The following CSMD3 variants were observed in gnomAD, a reference collection of about 807,000 sequenced individuals.
The protein encoded by CSMD3 is CUB and Sushi multiple domains 3.
In CSMD3, 177 loss-of-function variants were observed where a neutral mutation model predicts 435.2. The observed-to-expected ratio is 0.41, with a 90% CI of 0.36 to 0.46. The LOEUF (loss-of-function observed/expected upper bound fraction) is 0.46, where lower values mean the gene tolerates loss of function less well. Among genes scored for constraint, CSMD3 ranks in the 20% least tolerant of loss-of-function variants. CSMD3 has a pLI of 0.34. For missense variants in CSMD3, 4,265 were observed against 4,504.6 expected (o/e 0.95, Z 1.52); for synonymous variants, 1,656 against 1,520.5 (o/e 1.09, Z -2.07).
intron 32 of CSMD3, among the ~76,000 whole-genome samples, chr8:112,457,103 G>A (rs1408579691): frequency 2.0e-5 from 3 of 151,878 alleles, no homozygotes; most frequent in Non-Finnish European, 2.9e-5. Context: ...ATCCTTCTTC[G>A]GATAGGATTC....
chr8:113,371,987 G>T (rs1244324561), intron 1 of CSMD3, among the ~76,000 whole-genome samples: 1 of 152,054 alleles, frequency 6.6e-6, no homozygotes, highest in Admixed American at 6.6e-5. Context: ...ACTTACATGA[G>T]TATTAGGAAA....
intron 13 of CSMD3, among the ~76,000 whole-genome samples, chr8:112,787,318 A>G (rs1193814848): frequency 6.6e-6 from 1 of 152,164 alleles, no homozygotes; most frequent in Admixed American, 6.6e-5. Context: ...AAAACAGGCA[A>G]TAGTGAATGG....
At chr8:112,597,153 A>T (rs953485631) in intron 22 of CSMD3, among the ~76,000 whole-genome samples, 10 of 151,212 alleles carry the variant, frequency 6.6e-5, no homozygotes, top group Non-Finnish European at 1.3e-4. Context: ...GAGAAGAGTC[A>T]AATAGACACA....
At chr8:113,119,433 G>A (rs2090924297) in intron 4 of CSMD3, among the ~76,000 whole-genome samples, 1 of 152,122 alleles carries the variant, frequency 6.6e-6, no homozygotes, top group Non-Finnish European at 1.5e-5. Flanking sequence ...TTAAAAAGTG[G>A]TGGAGACAAG....
intron 4 of CSMD3, among the ~76,000 whole-genome samples, chr8:113,138,480 T>C (rs773368048): frequency 6.6e-6 from 1 of 151,462 alleles, no homozygotes; most frequent in Admixed American, 6.6e-5. Context: ...ATCTAGAGGT[T>C]AATTCCAATG....
At chr8:112,245,476 A>G (rs1814635837) in intron 64 of CSMD3, among the ~76,000 whole-genome samples, 1 of 152,186 alleles carries the variant, frequency 6.6e-6, no homozygotes, top group Admixed American at 6.6e-5. Context: ...ATAACAGTAT[A>G]AATAATAGCT....
At chr8:113,185,123 T>C (rs2092479769) in intron 3 of CSMD3, among the ~76,000 whole-genome samples, 1 of 152,054 alleles carries the variant, frequency 6.6e-6, no homozygotes, top group African/African-American at 2.4e-5. Flanking sequence ...CAATATAGGC[T>C]GCATTCACTG....
At chr8:112,613,733 C>T (rs1244473218) in intron 22 of CSMD3, among the ~76,000 whole-genome samples, 2 of 151,886 alleles carry the variant, frequency 1.3e-5, no homozygotes, top group African/African-American at 4.8e-5. Flanking sequence ...AGAGATCCAG[C>T]CATAAAAAAA....
chr8:112,611,669 T>C (rs1341597864), intron 22 of CSMD3, among the ~76,000 whole-genome samples: 4 of 152,246 alleles, frequency 2.6e-5, no homozygotes, highest in African/African-American at 9.6e-5. Flanking sequence ...AGTACTAGGG[T>C]GGCATTTGTT....
intron 13 of CSMD3, among the ~76,000 whole-genome samples, chr8:112,721,827 T>C (rs2076864787): frequency 6.6e-6 from 1 of 152,152 alleles, no homozygotes; most frequent in South Asian, 2.1e-4. Flanking sequence ...AGGGATGATA[T>C]TAATATATTT....
chr8:112,388,049 A>T (rs1830122866), intron 36 of CSMD3, among the ~76,000 whole-genome samples: 1 of 152,190 alleles, frequency 6.6e-6, no homozygotes, highest in African/African-American at 2.4e-5. Flanking sequence ...TCCACAGAAA[A>T]TGTATTTAAG....
intron 1 of CSMD3, among the ~76,000 whole-genome samples, chr8:113,362,365 G>A (rs565097622): frequency 2.6e-5 from 4 of 152,050 alleles, no homozygotes; most frequent in African/African-American, 7.2e-5. Context: ...GAATATTTCC[G>A]GTTGGGGAAC....
intron 38 of CSMD3, among the ~76,000 whole-genome samples, chr8:112,358,503 G>A (rs1212829563): frequency 2.0e-5 from 3 of 152,118 alleles, no homozygotes; most frequent in Non-Finnish European, 2.9e-5. Context: ...CATGTATTGT[G>A]GGAGGAACCC....
intron 13 of CSMD3, among the ~76,000 whole-genome samples, chr8:112,798,062 G>A (rs77388258): frequency 1.4e-4 from 22 of 151,858 alleles, no homozygotes; most frequent in Non-Finnish European, 3.1e-4. Flanking sequence ...TATGATTCAC[G>A]GTTTATAAAA....
chr8:112,801,337 C>T (rs2078957862), intron 12 of CSMD3, among the ~76,000 whole-genome samples: 1 of 151,904 alleles, frequency 6.6e-6, no homozygotes, highest in Non-Finnish European at 1.5e-5. Context: ...AGCAAAATGC[C>T]CTGTGCGTAG....
At chr8:112,470,693 G>A (rs1232972525) in intron 32 of CSMD3, among the ~76,000 whole-genome samples, 1 of 151,566 alleles carries the variant, frequency 6.6e-6, no homozygotes. Context: ...TAAACAAAAT[G>A]ATACCAAATT....
At chr8:112,265,698 C>G in intron 59 of CSMD3, 108 bp from the exon 60 acceptor site, 3 of 820,366 alleles carry the variant, frequency 3.7e-6, no homozygotes, top group Non-Finnish European at 6.4e-6. Flanking sequence ...AATTAGTTAT[C>G]GTGTTCATTT....
At chr8:112,914,011 T>C (rs2082505330) in intron 10 of CSMD3, among the ~76,000 whole-genome samples, 1 of 151,932 alleles carries the variant, frequency 6.6e-6, no homozygotes, top group South Asian at 2.1e-4. Flanking sequence ...GAAAAATTCA[T>C]CTTTTCCCTC....
In CSMD3 at chr8:112,255,243, A is replaced by G. The variant is rs370657236; in HGVS notation, c.10036+11T>C. ...AGTTACTGTGCATAATCAGCCTTTA[A>G]TTAATATTACCTATGCAGTGAGGTG... On this transcript the variant is annotated intron_variant, in intron 62 of 70. Transcript: ENST00000297405. 6.2e-7 allele frequency: 1 copy of G among 1,607,418 alleles called. No homozygotes were observed. Among genetic ancestry groups the G allele is most frequent in the Non-Finnish European group, 8.5e-7 (1 of 1,174,114 alleles).
Sources: gnomAD v4.1 joint callset for allele counts (sites outside exome capture counted in the v4.1 genomes callset) on GRCh38, gnomAD v4.1.1 for gene constraint, MANE v1.5 for transcripts, NCBI Gene and HGNC (gene_info 2026-07-23, HGNC 2026-07-21) for gene names.